The following MCTP1 variants were observed in gnomAD, a reference collection of about 807,000 sequenced individuals.
MCTP1 encodes the protein multiple C2 and transmembrane domain containing 1.
In MCTP1, 69 loss-of-function variants were observed where a neutral mutation model predicts 120.6. The observed-to-expected ratio is 0.57, with a 90% CI of 0.47 to 0.70. The LOEUF (loss-of-function observed/expected upper bound fraction) is 0.70. MCTP1 is among the 30% of genes least tolerant of loss of function. The pLI, the probability that MCTP1 is intolerant of heterozygous loss-of-function variation, is 0.00. For synonymous variants in MCTP1, 529 were observed against 493.1 expected, an observed-to-expected ratio of 1.07 and a Z score of -0.96; for missense variants, 1,203 against 1,248.8, an observed-to-expected ratio of 0.96 and a Z score of 0.55.
intron 1 of MCTP1, among the ~76,000 whole-genome samples, chr5:95,108,703 T>G (rs1188249227): frequency 6.6e-6 from 1 of 152,248 alleles, no homozygotes; most frequent in African/African-American, 2.4e-5. Flanking sequence ...ACATCGATAC[T>G]GTCACTTATG....
At chr5:94,910,194 A>C (rs1233719756) in intron 9 of MCTP1, among the ~76,000 whole-genome samples, 1 of 151,518 alleles carries the variant, frequency 6.6e-6, no homozygotes, top group Admixed American at 6.6e-5. Context: ...GTGTGCATAC[A>C]TATATGTATA....
At chr5:94,861,168 T>C (rs988038524) in intron 17 of MCTP1, among the ~76,000 whole-genome samples, 3 of 151,826 alleles carry the variant, frequency 2.0e-5, no homozygotes, top group African/African-American at 7.2e-5. Flanking sequence ...AAGTACAAGA[T>C]GCACCAGAGT....
At chr5:94,871,986 T>C (rs1029624148) in intron 13 of MCTP1, among the ~76,000 whole-genome samples, 2 of 152,120 alleles carry the variant, frequency 1.3e-5, no homozygotes, top group Non-Finnish European at 2.9e-5. Flanking sequence ...ATAGTTATTG[T>C]ACCACCCTGG....
chr5:95,281,984 T>C (rs1760362029), intron 1 of MCTP1, among the ~76,000 whole-genome samples: 1 of 152,238 alleles, frequency 6.6e-6, no homozygotes, highest in African/African-American at 2.4e-5. Flanking sequence ...AAAACTTCTC[T>C]CTGTCATCTA....
At chr5:94,869,908 C>G (rs1797511943) in intron 16 of MCTP1, among the ~76,000 whole-genome samples, 1 of 152,060 alleles carries the variant, frequency 6.6e-6, no homozygotes, top group Admixed American at 6.6e-5. Flanking sequence ...TCTGAAAGAT[C>G]ATAGTTAAAA....
intron 1 of MCTP1, among the ~76,000 whole-genome samples, chr5:95,217,452 T>C (rs1246289133): frequency 2.0e-5 from 3 of 152,220 alleles, no homozygotes; most frequent in Non-Finnish European, 4.4e-5. Flanking sequence ...TATAGATAAC[T>C]ATATTTCTTC....
intron 1 of MCTP1, among the ~76,000 whole-genome samples, chr5:95,060,178 A>G (rs922854217): frequency 1.3e-3 from 51 of 40,556 alleles, no homozygotes; most frequent in African/African-American, 1.9e-3. Context: ...CACTCTTCTC[A>G]TCTCTGAGAT....
intron 1 of MCTP1, among the ~76,000 whole-genome samples, chr5:95,127,484 G>T (rs1758722752): frequency 6.6e-6 from 1 of 152,120 alleles, no homozygotes; most frequent in African/African-American, 2.4e-5. Context: ...GCAGGTTCAG[G>T]GCAGTGGAGG....
chr5:95,043,480 T>C (rs1207498584), intron 1 of MCTP1, among the ~76,000 whole-genome samples: 1 of 152,160 alleles, frequency 6.6e-6, no homozygotes, highest in Non-Finnish European at 1.5e-5. Flanking sequence ...CCCCTGATTA[T>C]ATCATTCTGC....
intron 1 of MCTP1, among the ~76,000 whole-genome samples, chr5:95,283,229 A>G (rs1422141689): frequency 6.6e-6 from 1 of 152,244 alleles, no homozygotes; most frequent in Non-Finnish European, 1.5e-5. Context: ...CAAGTGCTTC[A>G]GGTGACTATT....
chr5:95,061,055 A>G (rs1424329087), intron 1 of MCTP1, among the ~76,000 whole-genome samples: 1 of 142,762 alleles, frequency 7.0e-6, no homozygotes, highest in Non-Finnish European at 1.5e-5. Flanking sequence ...CCATGAAGCC[A>G]TTAGGCCTTT....
intron 12 of MCTP1, among the ~76,000 whole-genome samples, chr5:94,880,850 C>T (rs1222500547): frequency 6.6e-6 from 1 of 152,062 alleles, no homozygotes; most frequent in Non-Finnish European, 1.5e-5. Context: ...AGCTTTTTAT[C>T]TATTCTATAA....
At chr5:94,934,737 G>GTTTTTTTTT (rs3030499) in intron 5 of MCTP1, among the ~76,000 whole-genome samples, 1 of 136,586 alleles carries the variant, frequency 7.3e-6, no homozygotes, top group Non-Finnish European at 1.6e-5. Context: ...AGATAAAGAA[G>GTTTTTTTTT]TTTTTTTTTT....
intron 1 of MCTP1, among the ~76,000 whole-genome samples, chr5:95,087,570 C>T (rs1463048753): frequency 6.6e-6 from 1 of 152,146 alleles, no homozygotes; most frequent in Non-Finnish European, 1.5e-5. Flanking sequence ...ATGAATATTC[C>T]TGATGTTTAA....
At chr5:94,951,700 C>T (rs1278574951) in intron 3 of MCTP1, among the ~76,000 whole-genome samples, 1 of 152,062 alleles carries the variant, frequency 6.6e-6, no homozygotes, top group African/African-American at 2.4e-5. Context: ...CTCTTTATTA[C>T]AAAGATAATT....
intron 19 of MCTP1, among the ~76,000 whole-genome samples, chr5:94,740,996 A>G (rs1765394775): frequency 6.6e-6 from 1 of 152,212 alleles, no homozygotes; most frequent in African/African-American, 2.4e-5. Flanking sequence ...CCAAGAATCC[A>G]CAGCAAGGAG....
chr5:94,954,090 G>A (rs6896796), intron 2 of MCTP1, among the ~76,000 whole-genome samples: 7 of 60,384 alleles, frequency 1.2e-4, no homozygotes, highest in African/African-American at 4.4e-4. Flanking sequence ...AAATATATAT[G>A]TGCATATATA....
At position 94,871,403 on chromosome 5, in the gene MCTP1, A is replaced by G. The variant is rs902992073; in HGVS notation, c.2051T>C (p.Ile684Thr). ...NKVFTFNIKD[I>T]HSVLEVTVYD... ...AACTGTCACTTCAAGAACTGAATGGATATCTTTAATGTTGCTGCATAATAA... is the reference window on the plus strand; with the variant it reads ...AACTGTCACTTCAAGAACTGAATGGGTATCTTTAATGTTGCTGCATAATAA... Residue 684 changes from isoleucine (I) to threonine (T), a missense_variant, in exon 14 of 23, where the codon ATC becomes ACC. Transcript: ENST00000515393. 2 of 1,606,826 alleles carry G rather than the reference A, an allele frequency of 1.2e-6. No individual in the cohort carries two copies. Among genetic ancestry groups the G allele is most frequent in the East Asian group, 2.2e-5 (1 of 44,768 alleles).
intron 11 of MCTP1, among the ~76,000 whole-genome samples, chr5:94,892,678 G>C (rs1265009062): frequency 6.6e-6 from 1 of 152,092 alleles, no homozygotes; most frequent in Non-Finnish European, 1.5e-5. Flanking sequence ...TATCAGAGTG[G>C]GGGCAATTTA....
Sources: gnomAD v4.1 joint callset for allele counts (sites outside exome capture counted in the v4.1 genomes callset) on GRCh38, gnomAD v4.1.1 for gene constraint, MANE v1.5 for transcripts, NCBI Gene and HGNC (gene_info 2026-07-23, HGNC 2026-07-21) for gene names.